NBEAL1: variants seen among roughly 807,000 people sequenced by gnomAD.
The protein encoded by NBEAL1 is neurobeachin-like protein 1.
In NBEAL1, 273 loss-of-function variants were observed where a neutral mutation model predicts 351.3. The observed-to-expected ratio is 0.78, with a 90% confidence interval of 0.70 to 0.86. The LOEUF (loss-of-function observed/expected upper bound fraction) is 0.86, where lower values mean the gene tolerates loss of function less well. NBEAL1 is among the 40% of genes least tolerant of loss of function. The probability of loss-of-function intolerance (pLI) is 0.00; values close to 1 mark genes in which losing one functional copy is unlikely to be tolerated. For missense variants in NBEAL1, 2,961 were observed against 3,201.3 expected (o/e 0.92, Z 1.81); for synonymous variants, 1,050 against 1,086.4 (o/e 0.97, Z 0.66).
At position 203,104,438 on chromosome 2, in the gene NBEAL1, A is replaced by T. The variant is rs556307460; in HGVS notation, c.1270-2982A>T. ...ACTTTAAGCCTATGGGTGTCACTGC[A>T]TGTGAGATGAGTCTCTTGAAGACAG... On this transcript the variant is annotated intron_variant, in intron 12 of 55. Transcript: ENST00000683969. 5.9e-5 allele frequency among the ~76,000 whole-genome samples: 9 copies of T among 152,282 alleles called. No homozygotes were observed. In the East Asian group the frequency reaches 1.7e-3, roughly 29 times the overall value.
intron 10 of NBEAL1, among the ~76,000 whole-genome samples, chr2:203,096,981 A>G (rs1408573668): frequency 1.3e-5 from 2 of 152,172 alleles, no homozygotes; most frequent in African/African-American, 2.4e-5. Context: ...CGGAGACTGG[A>G]CAATTTACAA....
intron 48 of NBEAL1, among the ~76,000 whole-genome samples, chr2:203,197,612 G>T (rs2065275157): frequency 6.6e-6 from 1 of 152,006 alleles, no homozygotes; most frequent in Non-Finnish European, 1.5e-5. Flanking sequence ...AATCTGAAAA[G>T]ATATATAAAA....
At chr2:203,061,920 C>G (rs1421721060) in intron 6 of NBEAL1, 6 of 252,700 alleles carry the variant, frequency 2.4e-5, no homozygotes, top group Non-Finnish European at 4.6e-5. Context: ...TATCACTGTG[C>G]ATTACCATGT....
At chr2:203,089,374 GATCCCC>G (rs1175591828) in intron 10 of NBEAL1, among the ~76,000 whole-genome samples, 70 of 147,850 alleles carry the variant, frequency 4.7e-4, no homozygotes, top group African/African-American at 1.6e-3. Context: ...AAAAAAAAAA[GATCCCC>G]ACTTTGTTCC....
At chr2:203,145,257 A>G in intron 33 of NBEAL1, 97 bp downstream of exon 33, 1 of 1,054,610 alleles carries the variant, frequency 9.5e-7, no homozygotes, top group Non-Finnish European at 1.3e-6. Flanking sequence ...TAAAACAAGC[A>G]GTATTTCTTT....
chr2:203,136,238 C>A lies in NBEAL1; in HGVS notation c.4375C>A (p.Leu1459Ile). The change falls in exon 28 of 56, where the codon CTT (leucine) becomes ATT (isoleucine). Residue 1459 changes from leucine (L) to isoleucine (I), a missense_variant. By Grantham distance (5) the Leu-to-Ile change is conservative. Transcript: ENST00000683969. ...GGGCTTTAGTGATGACTTCTCTTTACTTGAAAGCCAAGAGGTAAAATTGCT... is the reference window on the plus strand; with the variant it reads ...GGGCTTTAGTGATGACTTCTCTTTAATTGAAAGCCAAGAGGTAAAATTGCT... ...DMGFSDDFSL[L>I]ESQERCEEEL... The A allele has an allele frequency of 6.4e-7, 1 of 1,570,848 alleles. No homozygotes were observed. The highest frequency in any genetic ancestry group is 8.6e-7 in the Non-Finnish European group (1 of 1,164,150).
chr2:203,056,936 T>C (rs1413592250), intron 5 of NBEAL1, among the ~76,000 whole-genome samples: 1 of 152,226 alleles, frequency 6.6e-6, no homozygotes, highest in South Asian at 2.1e-4. Flanking sequence ...GAGAAGAGAC[T>C]TAAACTTATT....
chr2:203,081,424 A>T (rs1309035731), intron 8 of NBEAL1, among the ~76,000 whole-genome samples: 1 of 152,258 alleles, frequency 6.6e-6, no homozygotes, highest in Non-Finnish European at 1.5e-5. Context: ...CGGAAATAGT[A>T]ACATTTATGG....
intron 25 of NBEAL1, among the ~76,000 whole-genome samples, chr2:203,131,070 C>T (rs2106297417): frequency 6.6e-6 from 1 of 152,306 alleles, no homozygotes; most frequent in East Asian, 1.9e-4. Context: ...TTGCAAACTA[C>T]ATGGTTTGTT....
intron 35 of NBEAL1, among the ~76,000 whole-genome samples, chr2:203,152,905 G>A (rs951895615): frequency 5.3e-5 from 8 of 151,810 alleles, no homozygotes; most frequent in Non-Finnish European, 1.0e-4. Flanking sequence ...GGGCATGGTG[G>A]CGGGCACCTG....
chr2:203,062,893 C>T lies in NBEAL1; in HGVS notation c.515+5440C>T, dbSNP rs1377105912. Among the ~76,000 whole-genome samples the T allele has an allele frequency of 6.6e-6, 1 of 151,980 alleles. No individual in the cohort carries two copies. The highest frequency in any genetic ancestry group is 2.4e-5 in the African/African-American group (1 of 41,360). On this transcript the variant is annotated intron_variant, in intron 6 of 55. Transcript: ENST00000683969. The surrounding 1 kb of genome is among the most constrained non-coding windows in gnomAD (Gnocchi z 4.2). ...AAGGGATCTACAGCAATAATTTACACCTTATTTATTAATCTGATTCTGAAA... is the reference window on the plus strand; with the variant it reads ...AAGGGATCTACAGCAATAATTTACATCTTATTTATTAATCTGATTCTGAAA...
At chr2:203,096,958 C>T (rs943771359) in intron 10 of NBEAL1, among the ~76,000 whole-genome samples, 1 of 152,118 alleles carries the variant, frequency 6.6e-6, no homozygotes, top group Non-Finnish European at 1.5e-5. Flanking sequence ...TCATGCTGCT[C>T]ATAAAGACAT....
At chr2:203,024,603 G>T (rs1197809639) in intron 2 of NBEAL1, among the ~76,000 whole-genome samples, 1 of 151,472 alleles carries the variant, frequency 6.6e-6, no homozygotes, top group Non-Finnish European at 1.5e-5. Flanking sequence ...TATTGGATTT[G>T]ACAGTTTACA....
intron 2 of NBEAL1, among the ~76,000 whole-genome samples, chr2:203,017,290 C>T (rs542535560): frequency 1.3e-5 from 2 of 152,266 alleles, no homozygotes; most frequent in South Asian, 4.1e-4. Context: ...CAAGTCACAG[C>T]TTCTGTTTCT....
intron 44 of NBEAL1, among the ~76,000 whole-genome samples, chr2:203,185,501 C>T (rs773781980): frequency 2.0e-5 from 3 of 152,056 alleles, no homozygotes; most frequent in African/African-American, 7.2e-5. Context: ...ATGTTCTGCA[C>T]GTGTATCCCA....
intron 2 of NBEAL1, chr2:203,040,015 A>G: frequency 1.7e-6 from 1 of 580,544 alleles, no homozygotes; most frequent in Non-Finnish European, 3.0e-6. Flanking sequence ...TCTGGTTTTA[A>G]GAAGGAGTAA....
Position 203,034,961 on chromosome 2 carries a change from A to G in NBEAL1, c.52-6804A>G, listed in dbSNP as rs920469287. ...TAAGTTAGGAACTGCCCATCATATGATTGAAATATTTATATGCATCTAGAA... is the reference window on the plus strand; with the variant it reads ...TAAGTTAGGAACTGCCCATCATATGGTTGAAATATTTATATGCATCTAGAA... On this transcript the variant is annotated intron_variant, in intron 2 of 55. Transcript: ENST00000683969. Among the ~76,000 whole-genome samples the G allele has an allele frequency of 1.1e-4, 17 of 149,368 alleles. 2 individuals carry two copies. Among genetic ancestry groups the G allele is most frequent in the Non-Finnish European group, 2.1e-4 (14 of 66,610 alleles).
At chr2:203,077,667 G>A (rs991990308) in intron 7 of NBEAL1, 85 bp from the exon 8 acceptor site, 67 of 758,052 alleles carry the variant, frequency 8.8e-5, no homozygotes, top group Non-Finnish European at 1.2e-4. Context: ...ATAGTTCTTC[G>A]TGTTTGCATC....
Position 203,107,367 on chromosome 2 carries a change from A to T in NBEAL1, c.1270-53A>T, listed in dbSNP as rs542335269. On this transcript the variant is annotated intron_variant, in intron 12 of 55. Coordinates refer to ENST00000683969, the MANE Select transcript of NBEAL1 (RefSeq NM_001378026.1). Reference sequence around the variant, plus strand: ...ATTATTTAATATTTTTAATATTCCAACATATTCAGTCTTTGAAAATGTACT... The same window carrying T: ...ATTATTTAATATTTTTAATATTCCATCATATTCAGTCTTTGAAAATGTACT... 241 of 845,558 alleles carry T rather than the reference A, an allele frequency of 2.9e-4. 3 individuals are homozygous for T. The South Asian group carries it at 3.4e-3, about 12-fold the overall frequency. The allele number at this position is 845,558 out of a possible 1,614,324, so 52.4% of individuals were successfully genotyped here.
Sources: allele counts gnomAD v4.1 joint callset (sites outside exome capture counted in the v4.1 genomes callset), GRCh38; gene constraint gnomAD v4.1.1; non-coding constraint Gnocchi (gnomAD v3.1); transcripts MANE v1.5; gene names NCBI Gene and HGNC (gene_info 2026-07-23, HGNC 2026-07-21).